KAT2B: variants seen among roughly 807,000 people sequenced by gnomAD.
KAT2B encodes the protein lysine acetyltransferase 2B, also known as histone acetyltransferase KAT2B.
In KAT2B, 36 loss-of-function variants were observed where a neutral mutation model predicts 105.9. The observed-to-expected ratio is 0.34, with a 90% confidence interval of 0.26 to 0.45. The LOEUF is 0.45. Ranked by LOEUF, KAT2B falls within the 20% of genes least tolerant of loss-of-function variation. KAT2B has a pLI of 1.00. For synonymous variants in KAT2B, 397 were observed against 377.9 expected, an observed-to-expected ratio of 1.05 and a Z score of -0.59; for missense variants, 820 against 1,021.6, an observed-to-expected ratio of 0.80 and a Z score of 2.69.
intron 5 of KAT2B, among the ~76,000 whole-genome samples, chr3:20,105,556 C>T (rs9310605): frequency 0.21 from 32,567 of 151,878 alleles, 4,601 homozygotes; most frequent in East Asian, 0.43. Flanking sequence ...GCGAGAGGAT[C>T]GCTTGAGCCC....
At chr3:20,148,131 A>G in intron 15 of KAT2B, 112 bp from the exon 16 acceptor site, 1 of 1,359,664 alleles carries the variant, frequency 7.4e-7, no homozygotes, top group East Asian at 2.3e-5. Context: ...TTCCTAAAAC[A>G]TTCTGGAATG....
At chr3:20,071,831 C>T (rs1698328873) in intron 1 of KAT2B, among the ~76,000 whole-genome samples, 1 of 152,194 alleles carries the variant, frequency 6.6e-6, no homozygotes, top group African/African-American at 2.4e-5. Flanking sequence ...GTGCCTTCAG[C>T]TGGGTGTGCC....
chr3:20,122,639 T>C, intron 8 of KAT2B, 29 bp from the exon 9 acceptor site: 1 of 1,585,984 alleles, frequency 6.3e-7, no homozygotes, highest in South Asian at 1.1e-5. Context: ...GAACCACCCA[T>C]TGTTTGCCTT....
chr3:20,095,700 A>G (rs894560369), intron 3 of KAT2B, among the ~76,000 whole-genome samples: 1 of 152,208 alleles, frequency 6.6e-6, no homozygotes, highest in African/African-American at 2.4e-5. Context: ...TCTGTTCTGC[A>G]TGTGGCACTA....
chr3:20,126,821 CAAA>C (rs754659716), intron 10 of KAT2B, among the ~76,000 whole-genome samples: 2 of 85,856 alleles, frequency 2.3e-5, no homozygotes, highest in African/African-American at 4.3e-5. Flanking sequence ...AACTCCATTT[CAAA>C]AAAAAAAAAA....
intron 5 of KAT2B, among the ~76,000 whole-genome samples, chr3:20,109,573 C>G (rs551765988): frequency 2.7e-4 from 41 of 152,236 alleles, no homozygotes; most frequent in Admixed American, 5.2e-4. Context: ...CTGCTTGGGC[C>G]TTCCAAAGCA....
At chr3:20,126,494 G>A (rs1489613851) in intron 10 of KAT2B, among the ~76,000 whole-genome samples, 1 of 151,272 alleles carries the variant, frequency 6.6e-6, no homozygotes, top group African/African-American at 2.4e-5. Context: ...ATATAAGACA[G>A]GTTAACTTTG....
In KAT2B at chr3:20,152,568, G is replaced by C; in HGVS notation, c.*43G>C. On this transcript the variant is annotated 3_prime_UTR_variant, in exon 18 of 18. Coordinates refer to ENST00000263754, the MANE Select transcript of KAT2B (RefSeq NM_003884.5). ...TTCTTAGAAACTCACCAAGCAGTGT[G>C]CCTAAAGCAAGGTGGTTTAGTTTTT... 3 of 1,509,102 alleles carry C rather than the reference G, an allele frequency of 2.0e-6. No homozygotes were observed. The highest frequency in any genetic ancestry group is 2.7e-6 in the Non-Finnish European group (3 of 1,094,174). The allele number at this position is 1,509,102 out of a possible 1,614,324, so 93.5% of individuals were successfully genotyped here.
At chr3:20,149,504 A>AAAG (rs1699835543) in intron 17 of KAT2B, among the ~76,000 whole-genome samples, 1 of 148,842 alleles carries the variant, frequency 6.7e-6, no homozygotes, top group Admixed American at 6.8e-5. Flanking sequence ...TCAAAAAAAA[A>AAAG]AAAAAAAAAA....
chr3:20,045,932 A>G (rs1697801297), intron 1 of KAT2B, among the ~76,000 whole-genome samples: 1 of 152,178 alleles, frequency 6.6e-6, no homozygotes, highest in Non-Finnish European at 1.5e-5. Flanking sequence ...AGACGCTGTT[A>G]ACTTGAAAGT....
Position 20,101,366 on chromosome 3 carries a change from T to C in KAT2B, c.749T>C (p.Met250Thr). ...CAAACAATAGTTGAGTTGGCAAAAA[T>C]GTTCCTAAACCGCATCAACTATTGG... ...ERQTIVELAK[M>T]FLNRINYWHL... The change falls in exon 5 of 18, where the codon ATG becomes ACG. Residue 250 changes from methionine (M) to threonine (T), a missense_variant. Transcript: ENST00000263754. 1.2e-6 allele frequency: 2 copies of C among 1,614,036 alleles called. No individual in the cohort carries two copies. Among genetic ancestry groups the C allele is most frequent in the Non-Finnish European group, 1.7e-6 (2 of 1,179,954 alleles).
intron 9 of KAT2B, 133 bp downstream of exon 9, chr3:20,122,937 G>A (rs1699336816): frequency 1.4e-6 from 2 of 1,382,240 alleles, no homozygotes; most frequent in Non-Finnish European, 1.9e-6. Context: ...TTAACCTGGT[G>A]GTCAGTGTGG....
intron 10 of KAT2B, among the ~76,000 whole-genome samples, chr3:20,126,652 G>A (rs1300426998): frequency 2.6e-5 from 4 of 151,532 alleles, no homozygotes; most frequent in Non-Finnish European, 5.9e-5. Flanking sequence ...GAGAAACCCC[G>A]TCTCTACTAA....
At chr3:20,106,236 AC>A (rs1347032366) in intron 5 of KAT2B, among the ~76,000 whole-genome samples, 2 of 152,258 alleles carry the variant, frequency 1.3e-5, no homozygotes, top group Non-Finnish European at 2.9e-5. Context: ...GCATGCAAAT[AC>A]CATCTTTATT....
chr3:20,054,729 G>A (rs1026088517), intron 1 of KAT2B, among the ~76,000 whole-genome samples: 1 of 152,214 alleles, frequency 6.6e-6, no homozygotes. Context: ...GCTCTGACAA[G>A]CTGGTGTTGA....
chr3:20,145,032 A>G (rs1042422769), intron 13 of KAT2B, among the ~76,000 whole-genome samples: 3 of 150,850 alleles, frequency 2.0e-5, no homozygotes, highest in African/African-American at 7.3e-5. Context: ...CCTCACCTCA[A>G]GTGATCCACC....
chr3:20,122,061 G>A (rs536032855), intron 8 of KAT2B, among the ~76,000 whole-genome samples: 1 of 152,194 alleles, frequency 6.6e-6, no homozygotes, highest in South Asian at 2.1e-4. Flanking sequence ...ACTACAAGGA[G>A]AAATAATCAA....
At position 20,148,197 on chromosome 3, in the gene KAT2B, G is replaced by C. The variant is rs776398143; in HGVS notation, c.2157-46G>C. ...CTGAATAGTAATCAGCTGGCAATAG[G>C]GTAAAACTCTAATCATTGCTCCTTG... On this transcript the variant is annotated intron_variant, in intron 15 of 17. Coordinates refer to ENST00000263754, the MANE Select transcript of KAT2B (RefSeq NM_003884.5). The C allele has an allele frequency of 4.6e-6, 7 of 1,528,760 alleles. 1 individual carries two copies. The Admixed American group carries it at 1.2e-4, about 26-fold the overall frequency. The allele number at this position is 1,528,760 out of a possible 1,614,324, so 94.7% of individuals were successfully genotyped here.
intron 5 of KAT2B, among the ~76,000 whole-genome samples, chr3:20,106,782 T>C (rs1699013663): frequency 1.3e-5 from 2 of 151,132 alleles, no homozygotes; most frequent in Non-Finnish European, 2.9e-5. Flanking sequence ...ATGTCAGTCT[T>C]AGAGCCTTAG....
Sources: allele counts gnomAD v4.1 joint callset (sites outside exome capture counted in the v4.1 genomes callset), GRCh38; gene constraint gnomAD v4.1.1; transcripts MANE v1.5; gene names NCBI Gene and HGNC (gene_info 2026-07-23, HGNC 2026-07-21).